Variants in SLC26A2 observed in about 807,000 individuals in gnomAD.
SLC26A2 encodes the protein solute carrier family 26 member 2.
A neutral mutation model predicts 41.1 loss-of-function variants in SLC26A2; 36 were observed. That is an observed-to-expected ratio of 0.88 (90% CI 0.67 to 1.16). The LOEUF (loss-of-function observed/expected upper bound fraction) is 1.16, where lower values mean the gene tolerates loss of function less well. Among genes scored for constraint, SLC26A2 ranks in the 50% most tolerant of loss-of-function variants. The pLI, the probability that SLC26A2 is intolerant of heterozygous loss-of-function variation, is 0.00. For synonymous variants in SLC26A2, 291 were observed against 311.6 expected (o/e 0.93, Z 0.70); for missense variants, 796 against 869.6 (o/e 0.92, Z 1.07).
rs545896707 is a variant in SLC26A2 at position 149,979,404 on chromosome 5, CTACT to C, written c.700-882_700-879del. On this transcript the variant is annotated intron_variant, in intron 2 of 2. Coordinates refer to ENST00000286298, the MANE Select transcript of SLC26A2 (RefSeq NM_000112.4). ...TCATATATAATGGTAAATAATAAGT[CTACT>C]TACTTATTTATTATTTATTCATTTA... Among the ~76,000 whole-genome samples, 828 of 151,814 alleles carry C rather than the reference CTACT, an allele frequency of 5.5e-3. 9 individuals carry two copies. The highest frequency in any genetic ancestry group is 0.019 in the African/African-American group (791 of 41,386).
At chr5:149,968,152 TTATC>T (rs1754838290) in intron 1 of SLC26A2, among the ~76,000 whole-genome samples, 1 of 152,216 alleles carries the variant, frequency 6.6e-6, no homozygotes, top group African/African-American at 2.4e-5. Flanking sequence ...ATACCATGCT[TTATC>T]TGTTCATCTG....
intron 1 of SLC26A2, among the ~76,000 whole-genome samples, chr5:149,976,819 G>A (rs1172059830): frequency 6.6e-6 from 1 of 152,200 alleles, no homozygotes; most frequent in Non-Finnish European, 1.5e-5. Flanking sequence ...GTTTCAGTGT[G>A]TGTACTTAGA....
Position 149,980,784 on chromosome 5 carries a change from T to C in SLC26A2, c.1191T>C (p.Thr397=). The C allele has an allele frequency of 6.2e-7, 1 of 1,614,084 alleles. No individual in the cohort carries two copies. The highest frequency in any genetic ancestry group is 8.5e-7 in the Non-Finnish European group (1 of 1,180,008). The change falls in exon 3 of 3, where the codon ACT becomes ACC. Residue 397 remains threonine (T), a synonymous_variant. Transcript: ENST00000286298. ...TTTCCATCATTGGTTTTGCTATCAC[T>C]GTATCACTTTCTGAGATGTTTGCCA... ...IAISIIGFAI[T]VSLSEMFAKK...
rs1039006881 is a variant in SLC26A2 at position 149,986,225 on chromosome 5, T to C, written c.*4412T>C. 1.3e-5 allele frequency: 2 copies of C among 151,660 alleles called. No homozygotes were observed. Among genetic ancestry groups the C allele is most frequent in the Non-Finnish European group, 2.9e-5 (2 of 67,982 alleles). 9.4% of individuals were successfully genotyped at this position (151,660 alleles called of 1,614,324 possible). On this transcript the variant is annotated 3_prime_UTR_variant, in exon 3 of 3. Transcript: ENST00000286298. ...AAAAGAAAAAATTAAAAAGAATCAG[T>C]TTTTTTAATTAAAAAAATAGAAAGC...
rs30833 is a variant in SLC26A2, at chr5:149,985,217, C to T, written c.*3404C>T. Reference sequence around the variant, plus strand: ...GCTGAGGAGCTCATGGTAGCCTGGGCTGACCTACTCTGGAGCACGGTGTCT... The same window carrying T: ...GCTGAGGAGCTCATGGTAGCCTGGGTTGACCTACTCTGGAGCACGGTGTCT... On this transcript the variant is annotated 3_prime_UTR_variant, in exon 3 of 3. Coordinates refer to ENST00000286298, the MANE Select transcript of SLC26A2 (RefSeq NM_000112.4). 0.99 allele frequency: 150,623 copies of T among 152,340 alleles called. 74,464 individuals carry two copies. Among genetic ancestry groups the T allele is most frequent in the East Asian group, 1 (5,173 of 5,174 alleles). The allele number at this position is 152,340 out of a possible 1,614,324, so 9.4% of individuals were successfully genotyped here.
intron 1 of SLC26A2, among the ~76,000 whole-genome samples, chr5:149,965,480 A>G (rs1754790345): frequency 1.9e-5 from 1 of 53,410 alleles, no homozygotes; most frequent in Non-Finnish European, 3.9e-5. Context: ...ACTCTGTCTC[A>G]AAAAAAAAAA....
In SLC26A2 at chr5:149,981,401, C is replaced by T; in HGVS notation, c.1808C>T (p.Thr603Ile). ...TTTAAATCTGCTTTATACAAACAAA[C>T]TGTCAACCCAATCTTAATAAAGGTG... is the stretch of plus-strand genomic sequence containing the variant. ...ECFKSALYKQTVNPILIKVAW... is the reference protein window; with the variant it reads ...ECFKSALYKQIVNPILIKVAW... Residue 603 changes from threonine (T) to isoleucine (I), a missense_variant, in exon 3 of 3, where the codon ACT becomes ATT. By Grantham distance (89) the Thr-to-Ile change is moderately conservative (BLOSUM62 -1). Coordinates refer to ENST00000286298, the MANE Select transcript of SLC26A2 (RefSeq NM_000112.4). 6.2e-7 allele frequency: 1 copy of T among 1,614,098 alleles called. No homozygotes were observed. The highest frequency in any genetic ancestry group is 8.5e-7 in the Non-Finnish European group (1 of 1,179,988).
chr5:149,961,623 C>T (rs922148725), intron 1 of SLC26A2, among the ~76,000 whole-genome samples: 1 of 152,210 alleles, frequency 6.6e-6, no homozygotes, highest in African/African-American at 2.4e-5. Flanking sequence ...CTTCCTTGCA[C>T]AGATTGGGGA....
chr5:149,977,465 C>G (rs1755012053), intron 1 of SLC26A2, among the ~76,000 whole-genome samples, 163 bp from the exon 2 acceptor site: 1 of 151,850 alleles, frequency 6.6e-6, no homozygotes, highest in Non-Finnish European at 1.5e-5. Flanking sequence ...TTTTTTTCCC[C>G]CTAACCAAGA....
intron 1 of SLC26A2, among the ~76,000 whole-genome samples, chr5:149,962,778 G>A (rs1754735939): frequency 6.6e-6 from 1 of 152,158 alleles, no homozygotes; most frequent in African/African-American, 2.4e-5. Context: ...GCGGAAGAGT[G>A]GGGTTGGAGA....
At chr5:149,968,577 A>ATTTT (rs34927001) in intron 1 of SLC26A2, among the ~76,000 whole-genome samples, 8 of 136,310 alleles carry the variant, frequency 5.9e-5, no homozygotes, top group African/African-American at 1.4e-4. Flanking sequence ...TGCCTGGCTA[A>ATTTT]TTTTTTTTTT....
Position 149,977,993 on chromosome 5 carries a change from C to G in SLC26A2, c.341C>G (p.Ser114Ter). ...AAAAACATTTTAGGGGATGTGATGT[C>G]AGGCTTGATTGTGGGCATATTATTG... ...LKKNILGDVM[S>*]GLIVGILLVP... is the part of the protein sequence containing the mutation. Residue 114 changes from serine to a stop codon, truncating the protein, a stop_gained, in exon 2 of 3, where the codon TCA becomes TGA. Transcript: ENST00000286298. LOFTEE classifies it high-confidence loss of function. 6.2e-7 allele frequency: 1 copy of G among 1,614,216 alleles called. No individual in the cohort carries two copies. The highest frequency in any genetic ancestry group is 8.5e-7 in the Non-Finnish European group (1 of 1,180,032).
chr5:149,972,620 C>A (rs1056621373), intron 1 of SLC26A2, among the ~76,000 whole-genome samples: 1 of 152,182 alleles, frequency 6.6e-6, no homozygotes, highest in Non-Finnish European at 1.5e-5. Context: ...CATTTATAAG[C>A]TGAATAAATT....
chr5:149,968,744 ACT>A (rs1414171048), intron 1 of SLC26A2, among the ~76,000 whole-genome samples: 4 of 143,852 alleles, frequency 2.8e-5, no homozygotes, highest in African/African-American at 1.0e-4. Context: ...TTTGAGACGG[ACT>A]CTCGGTCTGT....
In SLC26A2 at chr5:149,986,990, T is replaced by G. The variant is rs1379432153; in HGVS notation, c.*5177T>G. ...TACCAATCTATGTAATAGGCTACCTTTTTTTGTCTTCTTTGGAACTTTGTA... is the reference window on the plus strand; with the variant it reads ...TACCAATCTATGTAATAGGCTACCTGTTTTTGTCTTCTTTGGAACTTTGTA... On this transcript the variant is annotated 3_prime_UTR_variant, in exon 3 of 3. Coordinates refer to ENST00000286298, the MANE Select transcript of SLC26A2 (RefSeq NM_000112.4). 2.6e-5 allele frequency: 4 copies of G among 152,224 alleles called. No homozygotes were observed. Among genetic ancestry groups the G allele is most frequent in the Non-Finnish European group, 5.9e-5 (4 of 68,034 alleles). The allele number at this position is 152,224 out of a possible 1,614,324, so 9.4% of individuals were successfully genotyped here.
chr5:149,969,855 G>A (rs573443805), intron 1 of SLC26A2, among the ~76,000 whole-genome samples: 8 of 152,098 alleles, frequency 5.3e-5, no homozygotes, highest in South Asian at 2.1e-4. Flanking sequence ...CCTACTTCAC[G>A]TTGGCCTGCA....
Position 149,980,398 on chromosome 5 carries a change from G to A in SLC26A2, c.805G>A (p.Ala269Thr). 1.2e-6 allele frequency: 2 copies of A among 1,613,908 alleles called. No homozygotes were observed. Residue 269 changes from alanine to threonine, a missense_variant, in exon 3 of 3, where the codon GCC becomes ACC. Ala to Thr is a moderately conservative substitution (Grantham distance 58). Coordinates refer to ENST00000286298, the MANE Select transcript of SLC26A2 (RefSeq NM_000112.4). ...CTCCTTCACTATTCTTACATCTCAG[G>A]CCAAGTATCTTCTTGGGCTCAACCT... ...GASFTILTSQAKYLLGLNLPR... is the reference protein window; with the variant it reads ...GASFTILTSQTKYLLGLNLPR...
At position 149,983,641 on chromosome 5, in the gene SLC26A2, A is replaced by G. The variant is rs1438835959; in HGVS notation, c.*1828A>G. On this transcript the variant is annotated 3_prime_UTR_variant, in exon 3 of 3. Coordinates refer to ENST00000286298, the MANE Select transcript of SLC26A2 (RefSeq NM_000112.4). ...GTCATCCAGGCCAGAGTGCAGTTTG[A>G]TGATAGCTTACTGAAGCTTCCCACT... The G allele has an allele frequency of 6.6e-6, 1 of 152,012 alleles. No individual in the cohort carries two copies. Among genetic ancestry groups the G allele is most frequent in the Non-Finnish European group, 1.5e-5 (1 of 68,008 alleles). 9.4% of individuals were successfully genotyped at this position (152,012 alleles called of 1,614,324 possible).
intron 1 of SLC26A2, among the ~76,000 whole-genome samples, chr5:149,973,261 A>G (rs377043855): frequency 1.3e-5 from 2 of 152,194 alleles, no homozygotes; most frequent in Admixed American, 1.3e-4. Context: ...TGCATATGCT[A>G]TAAAGTACAT....
Sources: gnomAD v4.1 joint callset for allele counts (sites outside exome capture counted in the v4.1 genomes callset) on GRCh38, gnomAD v4.1.1 for gene constraint, MANE v1.5 for transcripts, NCBI Gene and HGNC (gene_info 2026-07-23, HGNC 2026-07-21) for gene names.